Variants in RBFOX1 observed in about 807,000 individuals in gnomAD.
The protein encoded by RBFOX1 is RNA binding protein fox-1 homolog 1.
Under a neutral mutation model 57.7 loss-of-function variants are expected in RBFOX1, and 8 were observed. The ratio of observed to expected loss-of-function variants is 0.14; its 90% CI spans 0.08 to 0.25. RBFOX1 has a LOEUF of 0.25. Among genes scored for constraint, RBFOX1 ranks in the 10% least tolerant of loss-of-function variants. RBFOX1 has a pLI of 1.00. For synonymous variants in RBFOX1, 326 were observed against 222.4 expected (o/e 1.47, Z -4.15); for missense variants, 611 against 548.5 (o/e 1.11, Z -1.14).
At chr16:7,495,307 A>G (rs942228308) in intron 4 of RBFOX1, among the ~76,000 whole-genome samples, 1 of 152,174 alleles carries the variant, frequency 6.6e-6, no homozygotes, top group Admixed American at 6.5e-5. Flanking sequence ...CTGAGATAAC[A>G]ATTTCTTTTC....
At chr16:5,519,601 T>C (rs1362280096) in intron 2 of RBFOX1, among the ~76,000 whole-genome samples, 12 of 152,146 alleles carry the variant, frequency 7.9e-5, no homozygotes. Flanking sequence ...GGTGTATACC[T>C]GTGGTTTCAG....
At chr16:6,743,607 G>A (rs1603499045) in intron 3 of RBFOX1, among the ~76,000 whole-genome samples, 1 of 151,632 alleles carries the variant, frequency 6.6e-6, no homozygotes, top group Non-Finnish European at 1.5e-5. Context: ...AGTGAGCATG[G>A]TGGTGCATGT....
intron 2 of RBFOX1, among the ~76,000 whole-genome samples, chr16:6,454,842 A>G (rs1343629187): frequency 8.6e-6 from 1 of 116,378 alleles, no homozygotes; most frequent in Non-Finnish European, 1.8e-5. Flanking sequence ...CTCATACTCT[A>G]TTTCTCCTCA....
chr16:7,378,718 C>G (rs1015659304), intron 4 of RBFOX1, among the ~76,000 whole-genome samples: 6 of 152,136 alleles, frequency 3.9e-5, no homozygotes, highest in Non-Finnish European at 7.3e-5. Flanking sequence ...ATCCGCCAAA[C>G]CCTGGTGAGC....
chr16:7,552,935 G>A lies in RBFOX1; in HGVS notation c.271-26842G>A, dbSNP rs9938774. 1.0e-3 allele frequency among the ~76,000 whole-genome samples: 154 copies of A among 152,028 alleles called. 1 individual carries two copies. The highest frequency in any genetic ancestry group is 3.5e-3 in the African/African-American group (147 of 41,470). On this transcript the variant is annotated intron_variant, in intron 5 of 15. Transcript: ENST00000550418. ...CGACCTCAGGTGATCTGCCCGCCTC[G>A]GACTCCCAAAGCACTGGGATTACAG...
chr16:5,269,691 G>A (rs970892557), intron 1 of RBFOX1, among the ~76,000 whole-genome samples: 2 of 152,224 alleles, frequency 1.3e-5, no homozygotes, highest in Non-Finnish European at 2.9e-5. Context: ...GGGAGGATAG[G>A]GGGTGTTAGC....
chr16:7,461,602 C>G (rs899187196), intron 4 of RBFOX1, among the ~76,000 whole-genome samples: 1 of 152,148 alleles, frequency 6.6e-6, no homozygotes, highest in African/African-American at 2.4e-5. Flanking sequence ...TATTCCAGGT[C>G]ATTTGTGTGT....
At chr16:5,940,751 A>G (rs578214241) in intron 4 of RBFOX1, among the ~76,000 whole-genome samples, 1 of 152,262 alleles carries the variant, frequency 6.6e-6, no homozygotes, top group South Asian at 2.1e-4. Context: ...GGGAGGAGAA[A>G]TAAATTCTTT....
At position 6,935,482 on chromosome 16, in the gene RBFOX1, C is replaced by G. The variant is rs114707728; in HGVS notation, c.-15-116575C>G. ...TGCAATAATGAATGATTACTGTTGT[C>G]TTAAGCCATTACATTTCAGGGTAAT... On this transcript the variant is annotated intron_variant, in intron 3 of 15. Coordinates refer to ENST00000550418, the MANE Select transcript of RBFOX1 (RefSeq NM_018723.4). Among the ~76,000 whole-genome samples, 683 of 152,266 alleles carry G rather than the reference C, an allele frequency of 4.5e-3. 8 individuals are homozygous for G. The highest frequency in any genetic ancestry group is 0.016 in the African/African-American group (653 of 41,546).
chr16:5,263,699 A>G (rs1281693974), intron 1 of RBFOX1, among the ~76,000 whole-genome samples: 2 of 152,160 alleles, frequency 1.3e-5, no homozygotes, highest in South Asian at 4.1e-4. Context: ...GGGTCAAGGT[A>G]CAGTGATCTA....
chr16:6,161,984 T>A (rs1286166518), intron 1 of RBFOX1, among the ~76,000 whole-genome samples: 1 of 152,188 alleles, frequency 6.6e-6, no homozygotes, highest in Non-Finnish European at 1.5e-5. Flanking sequence ...AGGGTACTTA[T>A]TTTTGAAAGT....
At chr16:5,624,524 A>C (rs1366428099) in intron 3 of RBFOX1, among the ~76,000 whole-genome samples, 6 of 152,300 alleles carry the variant, frequency 3.9e-5, no homozygotes, top group Non-Finnish European at 7.4e-5. Flanking sequence ...GCTCGTACCC[A>C]GGTGGGGAAA....
chr16:5,525,729 C>A (rs146639460), intron 2 of RBFOX1, among the ~76,000 whole-genome samples: 34 of 152,104 alleles, frequency 2.2e-4, no homozygotes, highest in African/African-American at 8.0e-4. Flanking sequence ...AACTCCTGAC[C>A]TCAGGTGATC....
chr16:7,364,664 C>T (rs1486459951), intron 4 of RBFOX1, among the ~76,000 whole-genome samples: 2 of 150,924 alleles, frequency 1.3e-5, no homozygotes, highest in Non-Finnish European at 2.9e-5. Flanking sequence ...AATGCCTTTT[C>T]TTCTATCTGA....
At chr16:5,396,015 G>A (rs1366686415) in intron 1 of RBFOX1, among the ~76,000 whole-genome samples, 1 of 152,152 alleles carries the variant, frequency 6.6e-6, no homozygotes, top group Non-Finnish European at 1.5e-5. Flanking sequence ...TGTGTAGCCT[G>A]GTTAGAGCTG....
intron 5 of RBFOX1, among the ~76,000 whole-genome samples, chr16:7,567,184 A>ATATCCATATATATATCCCTATATAT (rs373288970): frequency 1.3e-5 from 1 of 76,684 alleles, no homozygotes; most frequent in Non-Finnish European, 2.6e-5. Flanking sequence ...TCCCTATATA[A>ATATCCATATATATATCCCTATATAT]ATATCCATAT....
intron 1 of RBFOX1, among the ~76,000 whole-genome samples, chr16:6,055,278 C>G (rs897656744): frequency 6.6e-6 from 1 of 151,980 alleles, no homozygotes. Context: ...GTATGACATG[C>G]AAGGATTTGG....
intron 3 of RBFOX1, among the ~76,000 whole-genome samples, chr16:5,865,551 C>T (rs1014554257): frequency 2.6e-5 from 4 of 152,200 alleles, no homozygotes; most frequent in Non-Finnish European, 5.9e-5. Context: ...CGAGCTCTGC[C>T]TGAGCTCCTC....
exon 3 of RBFOX1, chr16:5,600,036 TC>T (rs1428054997): frequency 6.6e-6 from 1 of 150,506 alleles, no homozygotes; most frequent in Non-Finnish European, 1.5e-5. Context: ...ACACCTGTAA[TC>T]CCAGCACTTT....
Sources: gnomAD v4.1 joint callset for allele counts (sites outside exome capture counted in the v4.1 genomes callset) on GRCh38, gnomAD v4.1.1 for gene constraint, MANE v1.5 for transcripts, NCBI Gene and HGNC (gene_info 2026-07-23, HGNC 2026-07-21) for gene names.